The following DNAJC12 variants were observed in gnomAD, a reference collection of about 807,000 sequenced individuals.
DNAJC12 encodes DnaJ heat shock protein family (Hsp40) member C12.
In DNAJC12, 25 loss-of-function variants were observed where a neutral mutation model predicts 28.5. That is an observed-to-expected ratio of 0.88 (90% confidence interval 0.64 to 1.22). The LOEUF is 1.22. DNAJC12 is among the 50% of genes most tolerant of loss of function. The probability of loss-of-function intolerance (pLI) is 0.00; values close to 1 mark genes in which losing one functional copy is unlikely to be tolerated. For synonymous variants in DNAJC12, 77 were observed against 80.6 expected (o/e 0.95, Z 0.24); for missense variants, 222 against 231.7 (o/e 0.96, Z 0.27).
intron 3 of DNAJC12, among the ~76,000 whole-genome samples, chr10:67,806,217 T>C (rs1241519712): frequency 1.3e-5 from 2 of 152,220 alleles, no homozygotes; most frequent in African/African-American, 4.8e-5. Context: ...CATCGGGATA[T>C]TGTGGGAAGC....
intron 1 of DNAJC12, chr10:67,827,769 T>A (rs969629936): frequency 2.6e-5 from 4 of 152,186 alleles, no homozygotes; most frequent in Admixed American, 1.3e-4. Flanking sequence ...TTTACATGCG[T>A]GACTGTTATT....
chr10:67,831,965 T>C (rs142990357), intron 1 of DNAJC12, among the ~76,000 whole-genome samples: 12 of 152,334 alleles, frequency 7.9e-5, no homozygotes, highest in African/African-American at 2.4e-4. Context: ...CAAAATGTGC[T>C]GCAGAAAAGA....
chr10:67,819,656 G>GAA (rs1841952002), intron 2 of DNAJC12, among the ~76,000 whole-genome samples: 2 of 123,586 alleles, frequency 1.6e-5, no homozygotes, highest in Non-Finnish European at 3.4e-5. Flanking sequence ...AAGAAAGAAA[G>GAA]AAAGAGAAAG....
At chr10:67,813,608 A>G (rs1841884337) in intron 2 of DNAJC12, among the ~76,000 whole-genome samples, 1 of 149,820 alleles carries the variant, frequency 6.7e-6, no homozygotes, top group African/African-American at 2.5e-5. Context: ...AAAAAAAAAA[A>G]TTAGTTGGGT....
chr10:67,799,292 T>G lies in DNAJC12; in HGVS notation c.503-2082A>C, dbSNP rs111734077. On this transcript the variant is annotated intron_variant, in intron 4 of 4. Transcript: ENST00000225171. ...ACAATGGTTATCTCAGAAAAACAGATTACACTGACACTTTTTAAAGAATTA... is the reference window on the plus strand; with the variant it reads ...ACAATGGTTATCTCAGAAAAACAGAGTACACTGACACTTTTTAAAGAATTA... Among the ~76,000 whole-genome samples the G allele has an allele frequency of 7.9e-3, 1,206 of 152,232 alleles. 17 individuals carry two copies. Among genetic ancestry groups the G allele is most frequent in the African/African-American group, 0.027 (1,139 of 41,540 alleles).
intron 3 of DNAJC12, among the ~76,000 whole-genome samples, chr10:67,808,011 G>A (rs772443028): frequency 1.3e-5 from 2 of 152,146 alleles, no homozygotes; most frequent in Non-Finnish European, 2.9e-5. Context: ...TTCAATCAAA[G>A]GACTAACATC....
chr10:67,798,690 CAG>C (rs1410588133), intron 4 of DNAJC12, among the ~76,000 whole-genome samples: 6 of 150,724 alleles, frequency 4.0e-5, no homozygotes, highest in African/African-American at 1.2e-4. Flanking sequence ...AAAAAACAAA[CAG>C]ATAAGAAAAG....
At chr10:67,828,106 A>G (rs943510056) in intron 1 of DNAJC12, among the ~76,000 whole-genome samples, 4 of 152,198 alleles carry the variant, frequency 2.6e-5, no homozygotes, top group Admixed American at 1.3e-4. Context: ...TTGTAAACAT[A>G]CAAAAAATTT....
chr10:67,826,538 A>G (rs1445274864), intron 1 of DNAJC12, among the ~76,000 whole-genome samples: 1 of 143,508 alleles, frequency 7.0e-6, no homozygotes, highest in Admixed American at 7.2e-5. Flanking sequence ...TATCTTATAT[A>G]CATCATTATA....
chr10:67,834,933 C>A (rs560859098), intron 1 of DNAJC12, among the ~76,000 whole-genome samples: 2 of 152,142 alleles, frequency 1.3e-5, no homozygotes, highest in Non-Finnish European at 2.9e-5. Context: ...TTCTATATAA[C>A]ATGGAAATCC....
intron 1 of DNAJC12, among the ~76,000 whole-genome samples, chr10:67,831,799 T>G (rs1842096088): frequency 6.6e-6 from 1 of 152,208 alleles, no homozygotes; most frequent in African/African-American, 2.4e-5. Flanking sequence ...ATGTCACTTC[T>G]AGTACTGGCC....
At chr10:67,825,258 A>T (rs865870105) in intron 1 of DNAJC12, 1 of 152,314 alleles carries the variant, frequency 6.6e-6, no homozygotes, top group South Asian at 2.1e-4. Context: ...AAAAGAGCTG[A>T]GTTTTTTGTT....
At chr10:67,815,738 C>T (rs1841909829) in intron 2 of DNAJC12, among the ~76,000 whole-genome samples, 1 of 152,114 alleles carries the variant, frequency 6.6e-6, no homozygotes, top group Non-Finnish European at 1.5e-5. Flanking sequence ...ATGCCAGTTG[C>T]TACTCATGTG....
intron 2 of DNAJC12, among the ~76,000 whole-genome samples, chr10:67,820,950 A>G (rs1403009886): frequency 6.6e-6 from 1 of 151,810 alleles, no homozygotes; most frequent in Non-Finnish European, 1.5e-5. Flanking sequence ...GGCCCGGCTC[A>G]CTTTGTATTT....
intron 3 of DNAJC12, among the ~76,000 whole-genome samples, chr10:67,806,533 A>C (rs1471785763): frequency 6.6e-6 from 1 of 152,164 alleles, no homozygotes; most frequent in Non-Finnish European, 1.5e-5. Context: ...TAACAAGAAA[A>C]AGAAAAGAGG....
At chr10:67,817,214 T>C (rs1398713429) in intron 2 of DNAJC12, among the ~76,000 whole-genome samples, 1 of 152,182 alleles carries the variant, frequency 6.6e-6, no homozygotes, top group Non-Finnish European at 1.5e-5. Context: ...CATGCAGGAC[T>C]CCTCATTTAA....
chr10:67,819,307 A>C (rs1011173667), intron 2 of DNAJC12, among the ~76,000 whole-genome samples: 2 of 151,410 alleles, frequency 1.3e-5, no homozygotes, highest in Non-Finnish European at 2.9e-5. Flanking sequence ...TGTACTCCAG[A>C]CTGGGCGACA....
intron 2 of DNAJC12, among the ~76,000 whole-genome samples, chr10:67,821,356 A>G (rs1841979354): frequency 6.6e-6 from 1 of 152,088 alleles, no homozygotes; most frequent in South Asian, 2.1e-4. Flanking sequence ...GTCTCTACTA[A>G]AAATACAAAA....
At chr10:67,834,735 G>T (rs1842126398) in intron 1 of DNAJC12, among the ~76,000 whole-genome samples, 1 of 152,160 alleles carries the variant, frequency 6.6e-6, no homozygotes. Flanking sequence ...GCTGAAGCAG[G>T]AGAATCACTT....
Sources: gnomAD v4.1 joint callset for allele counts (sites outside exome capture counted in the v4.1 genomes callset) on GRCh38, gnomAD v4.1.1 for gene constraint, MANE v1.5 for transcripts, NCBI Gene and HGNC (gene_info 2026-07-23, HGNC 2026-07-21) for gene names.